Variants in PRMT8 observed in about 807,000 individuals in gnomAD.
The protein encoded by PRMT8 is protein arginine methyltransferase 8, also known as protein arginine N-methyltransferase 8.
In PRMT8, 7 loss-of-function variants were observed where a neutral mutation model predicts 47.1. The observed-to-expected ratio is 0.15, with a 90% CI of 0.08 to 0.28. PRMT8 has a LOEUF of 0.28. Ranked by LOEUF, PRMT8 falls within the 10% of genes least tolerant of loss-of-function variation. PRMT8 has a pLI of 1.00. For synonymous variants in PRMT8, 188 were observed against 186.5 expected, an observed-to-expected ratio of 1.01 and a Z score of -0.07; for missense variants, 237 against 505.4, an observed-to-expected ratio of 0.47 and a Z score of 5.09.
At chr12:3,416,012 G>T (rs1864479683) in intron 1 of PRMT8, among the ~76,000 whole-genome samples, 1 of 152,232 alleles carries the variant, frequency 6.6e-6, no homozygotes, top group Non-Finnish European at 1.5e-5. Flanking sequence ...AATTGCCAGA[G>T]ACATGGCTGT....
chr12:3,404,882 A>G (rs1331183703), intron 1 of PRMT8, among the ~76,000 whole-genome samples: 1 of 152,204 alleles, frequency 6.6e-6, no homozygotes, highest in African/African-American at 2.4e-5. Context: ...CCACTTTATG[A>G]TTATGAAATA....
rs1363409939 is a variant in PRMT8 at position 3,397,042 on chromosome 12, G to C, written c.48+15600G>C. On this transcript the variant is annotated intron_variant, in intron 1 of 9. Transcript: ENST00000452611. ...CTTCTGCATTCTTCACGTAGTTCTC[G>C]AGCCTTGGTTTTCAGCTCCATCAGC... 4.6e-5 allele frequency among the ~76,000 whole-genome samples: 7 copies of C among 151,600 alleles called. No homozygotes were observed. The East Asian group carries it at 1.4e-3, about 30-fold the overall frequency.
chr12:3,443,208 A>C (rs941453652), intron 1 of PRMT8, among the ~76,000 whole-genome samples: 1 of 152,186 alleles, frequency 6.6e-6, no homozygotes, highest in African/African-American at 2.4e-5. Context: ...TCCCAGTGGA[A>C]CTTAACACCC....
rs769354006 is a variant in PRMT8 at position 3,540,796 on chromosome 12, A to C, written c.261+5A>C. On this transcript the variant is annotated splice_donor_5th_base_variant and intron_variant, in intron 2 of 9. Transcript: ENST00000382622. ...GCCCACTTTGGGATCCACGAGGTAA[A>C]GTGTCCCGAGTGGGTGGCTAATGGG... 8 of 1,612,346 alleles carry C rather than the reference A, an allele frequency of 5.0e-6. No homozygotes were observed. Among genetic ancestry groups the C allele is most frequent in the Non-Finnish European group, 6.8e-6 (8 of 1,178,978 alleles).
In PRMT8 at chr12:3,571,493, G is replaced by A. The variant is rs140695272; in HGVS notation, c.712+1929G>A. On this transcript the variant is annotated intron_variant, in intron 6 of 9. Transcript: ENST00000382622. ...CACAACAAAGATACCTGTGTCAGGA[G>A]CCTTTGCAGGTATGCACATTGCAAT... Among the ~76,000 whole-genome samples the A allele has an allele frequency of 8.7e-4, 132 of 152,296 alleles. 1 individual carries two copies. The East Asian group carries it at 0.025, about 28-fold the overall frequency.
intron 7 of PRMT8, among the ~76,000 whole-genome samples, chr12:3,577,544 C>T (rs1435322790): frequency 2.0e-5 from 3 of 152,266 alleles, no homozygotes; most frequent in East Asian, 1.9e-4. Flanking sequence ...CCTTCCTGAG[C>T]GTCCCTGTTT....
chr12:3,465,033 T>G (rs1443831992), intron 1 of PRMT8, among the ~76,000 whole-genome samples: 2 of 150,738 alleles, frequency 1.3e-5, no homozygotes, highest in African/African-American at 4.9e-5. Context: ...GAGAATCGCT[T>G]AAACCCAGGA....
rs1866813507 is a variant in PRMT8, at chr12:3,569,830, A to G, written c.712+266A>G. The stretch of plus-strand genomic sequence containing the variant: ...AGAATGAATGCAATGTGAATTAAAA[A>G]TTGGACTGAGGCAGCAGAAGCTGAG... On this transcript the variant is annotated intron_variant, in intron 6 of 9. Coordinates refer to ENST00000382622, the MANE Select transcript of PRMT8 (RefSeq NM_019854.5). This position sits in a 1 kb window ranked among gnomAD's most constrained non-coding sequence, Gnocchi z 8.2. 6.6e-6 allele frequency among the ~76,000 whole-genome samples: 1 copy of G among 152,208 alleles called. No individual in the cohort carries two copies. Among genetic ancestry groups the G allele is most frequent in the Non-Finnish European group, 1.5e-5 (1 of 68,034 alleles).
chr12:3,563,236 G>A (rs543729009), intron 4 of PRMT8, among the ~76,000 whole-genome samples: 2 of 152,126 alleles, frequency 1.3e-5, no homozygotes, highest in Non-Finnish European at 2.9e-5. Flanking sequence ...AGCTAGCAGG[G>A]CTTTAGAGCT....
At chr12:3,422,410 C>A (rs1278366282) in intron 1 of PRMT8, among the ~76,000 whole-genome samples, 2 of 152,198 alleles carry the variant, frequency 1.3e-5, no homozygotes, top group African/African-American at 2.4e-5. Flanking sequence ...ACCCTTCAGA[C>A]ACCAAGTTGT....
chr12:3,543,701 T>C (rs1866274179), intron 2 of PRMT8, among the ~76,000 whole-genome samples: 1 of 152,210 alleles, frequency 6.6e-6, no homozygotes, highest in Non-Finnish European at 1.5e-5. Flanking sequence ...TCTCATCCCA[T>C]GCTCCATTCA....
chr12:3,587,937 G>A (rs755895096), intron 8 of PRMT8, among the ~76,000 whole-genome samples: 1 of 152,006 alleles, frequency 6.6e-6, no homozygotes, highest in Non-Finnish European at 1.5e-5. Context: ...GTTCCAGGCT[G>A]TGGCAGCCAG....
chr12:3,535,309 T>A lies in PRMT8; in HGVS notation c.76-5297T>A, dbSNP rs1287877273. Among the ~76,000 whole-genome samples, 1 of 152,184 alleles carries A rather than the reference T, an allele frequency of 6.6e-6. No homozygotes were observed. The highest frequency in any genetic ancestry group is 1.5e-5 in the Non-Finnish European group (1 of 68,024). Reference sequence around the variant, plus strand: ...TGGGTAGACTAAGACAATCGCACTTTATTTATTAGGGAGAAAAACTGTGCT... The same window carrying A: ...TGGGTAGACTAAGACAATCGCACTTAATTTATTAGGGAGAAAAACTGTGCT... On this transcript the variant is annotated intron_variant, in intron 1 of 9. Coordinates refer to ENST00000382622, the MANE Select transcript of PRMT8 (RefSeq NM_019854.5). The surrounding 1 kb of genome is among the most constrained non-coding windows in gnomAD (Gnocchi z 4.7).
Position 3,409,517 on chromosome 12 carries a change from C to A in PRMT8, c.48+28075C>A, listed in dbSNP as rs1185300906. On this transcript the variant is annotated intron_variant, in intron 1 of 9. Coordinates refer to the PRMT8 transcript ENST00000452611. This position sits in a 1 kb window ranked among gnomAD's most constrained non-coding sequence, Gnocchi z 4.4. ...AGCTTGGGCCTCAGGAAGCATGGAG[C>A]AGCACAGCAATGACTCTATTCATCG... is the stretch of plus-strand genomic sequence containing the variant. Among the ~76,000 whole-genome samples the A allele has an allele frequency of 3.3e-5, 5 of 152,214 alleles. No homozygotes were observed. The highest frequency in any genetic ancestry group is 9.6e-5 in the African/African-American group (4 of 41,546).
chr12:3,383,509 C>T (rs987957766), intron 1 of PRMT8, among the ~76,000 whole-genome samples: 4 of 152,086 alleles, frequency 2.6e-5, no homozygotes, highest in Middle Eastern at 3.2e-3. Context: ...CTCTGGGAGG[C>T]GGTTAGGTCA....
At chr12:3,520,915 A>G (rs1471147241) in intron 1 of PRMT8, among the ~76,000 whole-genome samples, 3 of 152,184 alleles carry the variant, frequency 2.0e-5, no homozygotes, top group East Asian at 1.9e-4. Context: ...AACAAGTTGT[A>G]AAAAGCCACC....
intron 1 of PRMT8, among the ~76,000 whole-genome samples, chr12:3,388,841 G>A (rs748686873): frequency 2.6e-5 from 4 of 152,266 alleles, no homozygotes; most frequent in Admixed American, 6.5e-5. Flanking sequence ...AATTTATTTC[G>A]TCTCTCAAGT....
intron 7 of PRMT8, among the ~76,000 whole-genome samples, chr12:3,578,693 C>T (rs527856267): frequency 1.1e-4 from 17 of 152,160 alleles, no homozygotes; most frequent in Middle Eastern, 3.4e-3. Context: ...CCACTAAGGA[C>T]GGGGGTGGGG....
At chr12:3,442,345 A>G (rs556226414) in intron 1 of PRMT8, among the ~76,000 whole-genome samples, 8 of 152,340 alleles carry the variant, frequency 5.3e-5, no homozygotes, top group African/African-American at 1.2e-4. Flanking sequence ...GAATAAAAAA[A>G]AAACAAAGGC....
Sources: gnomAD v4.1 joint callset for allele counts (sites outside exome capture counted in the v4.1 genomes callset) on GRCh38, gnomAD v4.1.1 for gene constraint, Gnocchi (gnomAD v3.1) non-coding constraint, MANE v1.5 for transcripts, NCBI Gene and HGNC (gene_info 2026-07-23, HGNC 2026-07-21) for gene names.